The following CDKAL1 variants were observed in gnomAD, a reference collection of about 807,000 sequenced individuals.
The protein encoded by CDKAL1 is threonylcarbamoyladenosine tRNA methylthiotransferase.
CDKAL1 carries 32 observed loss-of-function variants against 68.2 expected under a neutral mutation model. That is an observed-to-expected ratio of 0.47 (90% confidence interval 0.35 to 0.63). CDKAL1 has a LOEUF of 0.63. Ranked by LOEUF, CDKAL1 falls within the 30% of genes least tolerant of loss-of-function variation. CDKAL1 has a pLI of 0.00. For synonymous variants in CDKAL1, 234 were observed against 244.3 expected (o/e 0.96, Z 0.39); for missense variants, 606 against 696.7 (o/e 0.87, Z 1.47).
intron 9 of CDKAL1, among the ~76,000 whole-genome samples, chr6:20,893,278 C>T (rs1354976517): frequency 5.3e-5 from 8 of 152,142 alleles, no homozygotes; most frequent in African/African-American, 1.9e-4. Context: ...ATGCAGGTTA[C>T]AGCCTAGTGC....
chr6:20,882,963 A>G (rs1757994308), intron 9 of CDKAL1, among the ~76,000 whole-genome samples: 1 of 152,204 alleles, frequency 6.6e-6, no homozygotes, highest in Non-Finnish European at 1.5e-5. Context: ...TCATACTGAC[A>G]AGAATTAGTC....
At chr6:20,812,981 C>T (rs12192912) in intron 8 of CDKAL1, among the ~76,000 whole-genome samples, 15,538 of 152,158 alleles carry the variant, frequency 0.1, 865 homozygotes, top group African/African-American at 0.13. Context: ...CACCAACACC[C>T]AATATGTTCT....
rs116827869 is a variant in CDKAL1, at chr6:20,741,110, C to T, written c.468+1495C>T. ...CATTTTTTAAAATGCCATTGTGTGCCGGGAAAAGCGTATGTTAGGATGTAC... is the reference window on the plus strand; with the variant it reads ...CATTTTTTAAAATGCCATTGTGTGCTGGGAAAAGCGTATGTTAGGATGTAC... On this transcript the variant is annotated intron_variant, in intron 6 of 15. Transcript: ENST00000274695. 5.1e-3 allele frequency among the ~76,000 whole-genome samples: 767 copies of T among 151,878 alleles called. 7 individuals carry two copies. The highest frequency in any genetic ancestry group is 0.017 in the African/African-American group (684 of 41,434).
chr6:20,593,345 A>C (rs890809592), intron 4 of CDKAL1, among the ~76,000 whole-genome samples: 6 of 152,230 alleles, frequency 3.9e-5, no homozygotes, highest in African/African-American at 1.4e-4. Context: ...CCTCAATTTC[A>C]GAACTTGTTA....
intron 5 of CDKAL1, among the ~76,000 whole-genome samples, chr6:20,679,213 G>A (rs924425102): frequency 3.3e-5 from 5 of 152,160 alleles, no homozygotes; most frequent in South Asian, 4.1e-4. Flanking sequence ...CACTGTATCC[G>A]GTTTCCATTG....
intron 5 of CDKAL1, among the ~76,000 whole-genome samples, chr6:20,714,590 A>G (rs1033490319): frequency 8.6e-5 from 13 of 151,596 alleles, no homozygotes; most frequent in African/African-American, 1.9e-4. Context: ...GGGTCTTCCA[A>G]TGTTGTCCAA....
At chr6:21,149,659 G>A (rs765151766) in intron 13 of CDKAL1, among the ~76,000 whole-genome samples, 23 of 152,244 alleles carry the variant, frequency 1.5e-4, no homozygotes, top group Admixed American at 7.8e-4. Flanking sequence ...GTAATTGAAC[G>A]TTTGGAGTGA....
chr6:20,918,783 A>T (rs1003946773), intron 9 of CDKAL1, among the ~76,000 whole-genome samples: 1 of 152,166 alleles, frequency 6.6e-6, no homozygotes, highest in African/African-American at 2.4e-5. Flanking sequence ...ATGTAAAATG[A>T]TGCTTCCTGA....
At chr6:21,158,709 G>GT (rs1485978390) in intron 13 of CDKAL1, among the ~76,000 whole-genome samples, 7 of 152,226 alleles carry the variant, frequency 4.6e-5, no homozygotes, top group Admixed American at 4.6e-4. Context: ...AATAGACAGT[G>GT]TAAGTCTAGA....
intron 10 of CDKAL1, among the ~76,000 whole-genome samples, chr6:20,995,724 C>T (rs1767068596): frequency 6.6e-6 from 1 of 152,116 alleles, no homozygotes; most frequent in East Asian, 1.9e-4. Flanking sequence ...CTAGAATTTT[C>T]AGAATGGTAA....
At chr6:20,657,222 C>T (rs1769067177) in intron 5 of CDKAL1, among the ~76,000 whole-genome samples, 1 of 152,190 alleles carries the variant, frequency 6.6e-6, no homozygotes. Context: ...CAGCACCATC[C>T]TTTCCCTTTG....
chr6:20,783,408 T>C (rs1775517868), intron 8 of CDKAL1, among the ~76,000 whole-genome samples: 1 of 152,190 alleles, frequency 6.6e-6, no homozygotes, highest in Non-Finnish European at 1.5e-5. Context: ...ACTGTTTATT[T>C]TTCTAGTCCC....
chr6:20,754,553 T>G (rs1427056259), intron 6 of CDKAL1, among the ~76,000 whole-genome samples: 1 of 152,240 alleles, frequency 6.6e-6, no homozygotes, highest in Non-Finnish European at 1.5e-5. Flanking sequence ...TGGCTAATGA[T>G]GTTGAGCATC....
At chr6:21,095,832 TAAA>T (rs1183737910) in intron 12 of CDKAL1, among the ~76,000 whole-genome samples, 2 of 152,128 alleles carry the variant, frequency 1.3e-5, no homozygotes, top group Non-Finnish European at 2.9e-5. Context: ...AGGCCAAAGA[TAAA>T]AAAGAAAATG....
intron 9 of CDKAL1, among the ~76,000 whole-genome samples, chr6:20,889,013 C>T (rs1394407849): frequency 6.6e-6 from 1 of 152,170 alleles, no homozygotes; most frequent in African/African-American, 2.4e-5. Flanking sequence ...CCTATTTCTC[C>T]ACATCCTCTC....
At chr6:20,989,779 TTTG>T (rs1766693529) in intron 10 of CDKAL1, among the ~76,000 whole-genome samples, 1 of 148,272 alleles carries the variant, frequency 6.7e-6, no homozygotes, top group African/African-American at 2.6e-5. Context: ...AGTTTTTCTC[TTTG>T]TTATTTTATT....
intron 15 of CDKAL1, among the ~76,000 whole-genome samples, chr6:21,225,883 TAA>T (rs1444752157): frequency 6.6e-6 from 1 of 152,256 alleles, no homozygotes; most frequent in African/African-American, 2.4e-5. Context: ...TACCATGGAA[TAA>T]GTTAATCTGA....
rs182313554 is a variant in CDKAL1, at chr6:21,190,311, A to G, written c.1300-7710A>G. Among the ~76,000 whole-genome samples, 26 of 152,320 alleles carry G rather than the reference A, an allele frequency of 1.7e-4. No homozygotes were observed. In the East Asian group the frequency reaches 4.6e-3, roughly 27 times the overall value. ...GTAGGATAAGCACAGATAAAATTCA[A>G]GTTTATTAGAACCATGATGTAAATG... On this transcript the variant is annotated intron_variant, in intron 13 of 15. Coordinates refer to ENST00000274695, the MANE Select transcript of CDKAL1 (RefSeq NM_017774.3).
chr6:20,538,553 C>T (rs927397373), intron 2 of CDKAL1, among the ~76,000 whole-genome samples: 1 of 152,202 alleles, frequency 6.6e-6, no homozygotes. Flanking sequence ...TTTCATTCCT[C>T]TTTTTCCTTT....
Sources: allele counts gnomAD v4.1 joint callset (sites outside exome capture counted in the v4.1 genomes callset), GRCh38; gene constraint gnomAD v4.1.1; transcripts MANE v1.5; gene names NCBI Gene and HGNC (gene_info 2026-07-23, HGNC 2026-07-21).